ATE1: variants seen among roughly 807,000 people sequenced by gnomAD.
The protein encoded by ATE1 is arginyl-tRNA--protein transferase 1.
A neutral mutation model predicts 70.5 loss-of-function variants in ATE1; 36 were observed. The observed-to-expected ratio is 0.51, with a 90% CI of 0.39 to 0.67. The LOEUF (loss-of-function observed/expected upper bound fraction) is 0.67. Among genes scored for constraint, ATE1 ranks in the 30% least tolerant of loss-of-function variants. The pLI, the probability that ATE1 is intolerant of heterozygous loss-of-function variation, is 0.00. For missense variants in ATE1, 593 were observed against 629.5 expected (o/e 0.94, Z 0.62); for synonymous variants, 232 against 219.3 (o/e 1.06, Z -0.51).
At chr10:121,898,918 T>A in intron 7 of ATE1, 1 of 1,614,014 alleles carries the variant, frequency 6.2e-7, no homozygotes, top group Non-Finnish European at 8.5e-7. Flanking sequence ...AAGGACTGGC[T>A]GAAAGACGAC....
intron 11 of ATE1, among the ~76,000 whole-genome samples, chr10:121,760,030 A>C (rs1395044772): frequency 1.3e-5 from 2 of 152,226 alleles, no homozygotes; most frequent in African/African-American, 4.8e-5. Flanking sequence ...ATCTGTTTAC[A>C]GAACAGTTCT....
rs2133589676 is a variant in ATE1, at chr10:121,821,381, G to T, written c.1257+15337C>A. Among the ~76,000 whole-genome samples the T allele has an allele frequency of 1.3e-5, 2 of 152,064 alleles. 1 individual carries two copies. Among genetic ancestry groups the T allele is most frequent in the South Asian group, 4.2e-4 (2 of 4,812 alleles). On this transcript the variant is annotated intron_variant, in intron 10 of 11. Coordinates refer to ENST00000224652, the MANE Select transcript of ATE1 (RefSeq NM_001001976.3). ...CTGCTCATCAAAAGATACCATGAAG[G>T]GAATAAAAAGGCAAGCAATGAGTGG...
At chr10:121,769,934 C>T (rs899421841) in intron 11 of ATE1, among the ~76,000 whole-genome samples, 4 of 152,152 alleles carry the variant, frequency 2.6e-5, no homozygotes, top group Non-Finnish European at 4.4e-5. Flanking sequence ...GCAGCCATGC[C>T]GGAAAATAGT....
At position 121,806,829 on chromosome 10, in the gene ATE1, C is replaced by T. The variant is rs750895419; in HGVS notation, c.1258-16540G>A. On this transcript the variant is annotated intron_variant, in intron 10 of 11. Transcript: ENST00000224652. ...ACTGGTGACTTCAGGTGAACGTACA[C>T]GGGTGTTCATTATGCTGTTCTTTCA... 5.3e-5 allele frequency among the ~76,000 whole-genome samples: 8 copies of T among 152,156 alleles called. No homozygotes were observed. In the South Asian group the frequency reaches 1.0e-3, roughly 20 times the overall value.
intron 8 of ATE1, among the ~76,000 whole-genome samples, chr10:121,853,240 T>C (rs961334163): frequency 1.3e-5 from 2 of 151,506 alleles, no homozygotes; most frequent in African/African-American, 4.9e-5. Flanking sequence ...GGCGGGCGCC[T>C]GTAGTCCCAC....
intron 8 of ATE1, among the ~76,000 whole-genome samples, chr10:121,848,708 C>T (rs993307086): frequency 7.1e-6 from 1 of 141,022 alleles, no homozygotes; most frequent in Non-Finnish European, 1.6e-5. Context: ...GTCAGGAGTT[C>T]GAGACCAGCC....
At chr10:121,928,310 C>T (rs1007544188), upstream of ATE1, 1 of 1,509,010 alleles carries the variant, frequency 6.6e-7, no homozygotes, top group Non-Finnish European at 8.9e-7. Flanking sequence ...GTGCGGGGCG[C>T]GGCGGCCGCG....
At chr10:121,908,785 CT>C (rs1232365541) in intron 5 of ATE1, among the ~76,000 whole-genome samples, 1 of 152,212 alleles carries the variant, frequency 6.6e-6, no homozygotes, top group Non-Finnish European at 1.5e-5. Flanking sequence ...ACTTGCCCCC[CT>C]GCCCCACGGC....
At chr10:121,914,123 C>A (rs1951550648) in intron 3 of ATE1, among the ~76,000 whole-genome samples, 1 of 152,068 alleles carries the variant, frequency 6.6e-6, no homozygotes, top group South Asian at 2.1e-4. Flanking sequence ...CTGGAGTACA[C>A]TGGCACCATC....
chr10:121,927,283 CAG>C, intron 1 of ATE1: 1 of 984,010 alleles, frequency 1.0e-6, no homozygotes, highest in Non-Finnish European at 1.2e-6. Context: ...TCAGGACAAA[CAG>C]AATCCCTCGC....
At chr10:121,802,605 G>C (rs1946934102) in intron 10 of ATE1, among the ~76,000 whole-genome samples, 1 of 152,072 alleles carries the variant, frequency 6.6e-6, no homozygotes, top group Non-Finnish European at 1.5e-5. Context: ...CACCGCACCT[G>C]GCCCCTACTC....
At chr10:121,803,939 T>C (rs1452408152) in intron 10 of ATE1, among the ~76,000 whole-genome samples, 1 of 152,180 alleles carries the variant, frequency 6.6e-6, no homozygotes, top group East Asian at 1.9e-4. Flanking sequence ...TAACCTTTCC[T>C]CCCTCCACTG....
At chr10:121,848,110 C>T (rs760170879) in intron 8 of ATE1, among the ~76,000 whole-genome samples, 26 of 152,118 alleles carry the variant, frequency 1.7e-4, no homozygotes, top group East Asian at 1.9e-4. Context: ...GCAGCCACTG[C>T]GGTGACATGG....
chr10:121,784,049 T>C (rs181261540), intron 11 of ATE1, among the ~76,000 whole-genome samples: 5 of 152,292 alleles, frequency 3.3e-5, no homozygotes, highest in Non-Finnish European at 4.4e-5. Context: ...TGAGCCACCT[T>C]GCCTGGCACT....
intron 7 of ATE1, among the ~76,000 whole-genome samples, chr10:121,873,628 A>T (rs1251839290): frequency 6.6e-6 from 1 of 151,920 alleles, no homozygotes; most frequent in Non-Finnish European, 1.5e-5. Context: ...CAAAGAAAAT[A>T]CACTGCTAAT....
intron 8 of ATE1, among the ~76,000 whole-genome samples, chr10:121,860,246 C>T (rs760084738): frequency 2.6e-5 from 4 of 152,158 alleles, no homozygotes; most frequent in Non-Finnish European, 4.4e-5. Context: ...AAGGGGCTTG[C>T]TCAAGGCCAC....
chr10:121,862,467 C>T (rs545851606), intron 8 of ATE1, among the ~76,000 whole-genome samples: 1 of 152,054 alleles, frequency 6.6e-6, no homozygotes, highest in African/African-American at 2.4e-5. Context: ...GGTGATCCTC[C>T]TACCTCAGCC....
chr10:121,913,724 G>T, intron 4 of ATE1, 66 bp downstream of exon 4: 1 of 1,125,008 alleles, frequency 8.9e-7, no homozygotes, highest in Non-Finnish European at 1.3e-6. Context: ...CCCTTCCCAA[G>T]ATGACTGAAA....
intron 10 of ATE1, among the ~76,000 whole-genome samples, chr10:121,832,860 C>T (rs1439149140): frequency 6.6e-6 from 1 of 152,154 alleles, no homozygotes; most frequent in Non-Finnish European, 1.5e-5. Context: ...GTAATATATG[C>T]CTTTCCTTTT....
Sources: gnomAD v4.1 joint callset for allele counts (sites outside exome capture counted in the v4.1 genomes callset) on GRCh38, gnomAD v4.1.1 for gene constraint, MANE v1.5 for transcripts, NCBI Gene and HGNC (gene_info 2026-07-23, HGNC 2026-07-21) for gene names.